Variants in PTPN9 observed in about 807,000 individuals in gnomAD.
The protein encoded by PTPN9 is protein tyrosine phosphatase non-receptor type 9.
Under a neutral mutation model 69.8 loss-of-function variants are expected in PTPN9, and 26 were observed. The observed-to-expected ratio is 0.37, with a 90% CI of 0.27 to 0.52. The LOEUF is 0.52. PTPN9 is among the 20% of genes least tolerant of loss of function. The pLI, the probability that PTPN9 is intolerant of heterozygous loss-of-function variation, is 0.91. For synonymous variants in PTPN9, 274 were observed against 272.5 expected (o/e 1.01, Z -0.05); for missense variants, 549 against 740.3 (o/e 0.74, Z 3.00).
chr15:75,544,749 G>C (rs2075024541), intron 1 of PTPN9, among the ~76,000 whole-genome samples: 1 of 151,766 alleles, frequency 6.6e-6, no homozygotes, highest in Admixed American at 6.6e-5. Flanking sequence ...AAGTCTTTCT[G>C]GGGGAAAAAA....
At chr15:75,563,141 T>A (rs1214965080) in intron 1 of PTPN9, among the ~76,000 whole-genome samples, 1 of 152,174 alleles carries the variant, frequency 6.6e-6, no homozygotes, top group Admixed American at 6.6e-5. Context: ...TGTGTTCATG[T>A]GTACTTAATG....
chr15:75,482,771 C>G (rs954809250), intron 8 of PTPN9, among the ~76,000 whole-genome samples: 1 of 149,408 alleles, frequency 6.7e-6, no homozygotes. Context: ...CAAGAATTAT[C>G]AATAAAAAAA....
At chr15:75,515,164 AC>A (rs1296536837) in intron 5 of PTPN9, among the ~76,000 whole-genome samples, 2 of 152,206 alleles carry the variant, frequency 1.3e-5, no homozygotes, top group Admixed American at 1.3e-4. Flanking sequence ...GCAGTGGCTC[AC>A]GCCTGTAATC....
At chr15:75,541,271 G>A (rs987572117) in intron 1 of PTPN9, among the ~76,000 whole-genome samples, 20 of 147,470 alleles carry the variant, frequency 1.4e-4, no homozygotes, top group African/African-American at 5.0e-4. Context: ...AATTTTTGTA[G>A]AGATAGGGTC....
chr15:75,483,843 T>C (rs1595948853), intron 8 of PTPN9, among the ~76,000 whole-genome samples: 1 of 152,310 alleles, frequency 6.6e-6, no homozygotes, highest in East Asian at 1.9e-4. Flanking sequence ...GAAGGAATGC[T>C]GAGGGCAGTC....
At chr15:75,520,906 A>G (rs548360386) in intron 4 of PTPN9, among the ~76,000 whole-genome samples, 4 of 152,006 alleles carry the variant, frequency 2.6e-5, no homozygotes, top group African/African-American at 7.2e-5. Context: ...CAGGGCTCAG[A>G]TGATCCTCCC....
chr15:75,475,793 C>T (rs1351968941), intron 9 of PTPN9, among the ~76,000 whole-genome samples: 1 of 152,096 alleles, frequency 6.6e-6, no homozygotes, highest in Admixed American at 6.6e-5. Flanking sequence ...ATGTCAAAAA[C>T]GTGAGATCTT....
intron 7 of PTPN9, among the ~76,000 whole-genome samples, chr15:75,504,816 G>T (rs1228433317): frequency 7.5e-6 from 1 of 133,034 alleles, no homozygotes; most frequent in Non-Finnish European, 1.6e-5. Context: ...TCAGCCCCCC[G>T]CCTGGCCAGC....
intron 5 of PTPN9, among the ~76,000 whole-genome samples, chr15:75,515,848 C>T (rs1446607799): frequency 6.6e-6 from 1 of 151,046 alleles, no homozygotes; most frequent in African/African-American, 2.4e-5. Flanking sequence ...AGTGAGCCGA[C>T]ATCGCGCCAC....
In PTPN9 at chr15:75,561,772, C is replaced by T. The variant is rs565557597; in HGVS notation, c.63+16942G>A. Among the ~76,000 whole-genome samples the T allele has an allele frequency of 1.1e-4, 17 of 152,220 alleles. No individual in the cohort carries two copies. In the East Asian group the frequency reaches 1.9e-3, roughly 17 times the overall value. ...TTGTCCAGGCTGGAGTGCAATGACA[C>T]GATCTCGGCTCACCACAATCTCTGC... On this transcript the variant is annotated intron_variant, in intron 1 of 12. Transcript: ENST00000618819.
intron 7 of PTPN9, among the ~76,000 whole-genome samples, chr15:75,500,277 A>G (rs1359442525): frequency 6.6e-6 from 1 of 151,832 alleles, no homozygotes; most frequent in Non-Finnish European, 1.5e-5. Context: ...GTGGCACTGC[A>G]CTCTAGCCTG....
intron 10 of PTPN9, among the ~76,000 whole-genome samples, chr15:75,471,288 G>GA (rs914478129): frequency 3.9e-4 from 58 of 149,148 alleles, no homozygotes; most frequent in African/African-American, 1.2e-3. Flanking sequence ...AAAAGAAAAA[G>GA]AAAAAAAAAG....
At chr15:75,544,799 C>G (rs1484400823) in intron 1 of PTPN9, among the ~76,000 whole-genome samples, 2 of 151,948 alleles carry the variant, frequency 1.3e-5, no homozygotes, top group Non-Finnish European at 2.9e-5. Flanking sequence ...GTGGGAGGGG[C>G]CTTTGGTAAC....
At chr15:75,520,573 A>G (rs1318171685) in intron 4 of PTPN9, among the ~76,000 whole-genome samples, 3 of 151,920 alleles carry the variant, frequency 2.0e-5, no homozygotes, top group Non-Finnish European at 2.9e-5. Context: ...GCTGAAGTGC[A>G]ATAGTGCGAT....
chr15:75,509,482 A>C (rs2074835826), intron 5 of PTPN9, among the ~76,000 whole-genome samples: 1 of 152,176 alleles, frequency 6.6e-6, no homozygotes, highest in Non-Finnish European at 1.5e-5. Flanking sequence ...AGAGGTTGGG[A>C]GTTCAAGACC....
intron 1 of PTPN9, among the ~76,000 whole-genome samples, chr15:75,559,276 CA>C (rs1345431969): frequency 6.6e-6 from 1 of 152,168 alleles, no homozygotes; most frequent in Non-Finnish European, 1.5e-5. Context: ...GAGGTGTACC[CA>C]ACAGCTCATT....
chr15:75,570,915 TTC>T (rs1249963478), intron 1 of PTPN9, among the ~76,000 whole-genome samples: 1 of 152,182 alleles, frequency 6.6e-6, no homozygotes, highest in Admixed American at 6.5e-5. Context: ...TGAATATTTT[TTC>T]CCCTTGTAAT....
rs2141349825 is a variant in PTPN9, at chr15:75,579,306, AG to A, written c.-531del. Reference sequence around the variant, plus strand: ...AGCCAGGCTCCTCGCGGGCGGCCGCAGCGAAAGGGAGGGAGTGGAGAGGGAG... The same window carrying A: ...AGCCAGGCTCCTCGCGGGCGGCCGCACGAAAGGGAGGGAGTGGAGAGGGAG... On this transcript the variant is annotated 5_prime_UTR_variant, in exon 1 of 13. Transcript: ENST00000618819. 6.6e-6 allele frequency: 1 copy of A among 151,856 alleles called. No homozygotes were observed. Among genetic ancestry groups the A allele is most frequent in the South Asian group, 2.1e-4 (1 of 4,756 alleles). The allele number at this position is 151,856 out of a possible 1,614,324, so 9.4% of individuals were successfully genotyped here.
intron 4 of PTPN9, among the ~76,000 whole-genome samples, chr15:75,517,764 GC>G (rs1758172392): frequency 6.6e-6 from 1 of 151,956 alleles, no homozygotes; most frequent in Non-Finnish European, 1.5e-5. Context: ...TTCCCTTAAA[GC>G]CCCATAAATC....
Sources: allele counts gnomAD v4.1 joint callset (sites outside exome capture counted in the v4.1 genomes callset), GRCh38; gene constraint gnomAD v4.1.1; transcripts MANE v1.5; gene names NCBI Gene and HGNC (gene_info 2026-07-23, HGNC 2026-07-21).